ZNF516: variants seen among roughly 807,000 people sequenced by gnomAD.
The protein encoded by ZNF516 is zinc finger protein 516.
ZNF516 carries 19 observed loss-of-function variants against 79.7 expected under a neutral mutation model. That is an observed-to-expected ratio of 0.24 (90% confidence interval 0.17 to 0.35). The LOEUF (loss-of-function observed/expected upper bound fraction) is 0.35, where lower values mean the gene tolerates loss of function less well. Among genes scored for constraint, ZNF516 ranks in the 10% least tolerant of loss-of-function variants. ZNF516 has a pLI of 1.00. For missense variants in ZNF516, 1,678 were observed against 1,679.5 expected (o/e 1.00, Z 0.02); for synonymous variants, 877 against 739.5 (o/e 1.19, Z -3.02).
At chr18:76,367,770 C>T (rs925615867) in intron 6 of ZNF516, among the ~76,000 whole-genome samples, 6 of 152,166 alleles carry the variant, frequency 3.9e-5, no homozygotes, top group Admixed American at 6.5e-5. Flanking sequence ...TCTTGTCGCC[C>T]CAGTATCCTG....
chr18:76,413,089 G>A (rs563093669), intron 3 of ZNF516, among the ~76,000 whole-genome samples: 2 of 152,218 alleles, frequency 1.3e-5, no homozygotes, highest in Non-Finnish European at 2.9e-5. Context: ...AGGCAGAAAC[G>A]AAGTGCTATT....
chr18:76,414,570 C>G (rs2075410108), intron 3 of ZNF516, among the ~76,000 whole-genome samples: 1 of 152,208 alleles, frequency 6.6e-6, no homozygotes, highest in Admixed American at 6.5e-5. Flanking sequence ...TACTGTCGAT[C>G]AAAATTCTCT....
Position 76,442,764 on chromosome 18 carries a change from C to A in ZNF516, c.291G>T (p.Ala97=). The change falls in exon 3 of 7, where the codon GCG becomes GCT. Residue 97 remains alanine, a synonymous_variant. Coordinates refer to ENST00000443185, the MANE Select transcript of ZNF516 (RefSeq NM_014643.4). ...GCATCTCACCCAGCGGCGCCTCGCCCGCCTCCGGCTCGTGTCCCTGAATCA... is the reference window on the plus strand; with the variant it reads ...GCATCTCACCCAGCGGCGCCTCGCCAGCCTCCGGCTCGTGTCCCTGAATCA... ...GTLIQGHEPE[A]GEAPLGEMRA... The A allele has an allele frequency of 2.5e-6, 4 of 1,592,444 alleles. No individual in the cohort carries two copies. The highest frequency in any genetic ancestry group is 3.4e-6 in the Non-Finnish European group (4 of 1,169,290).
intron 2 of ZNF516, among the ~76,000 whole-genome samples, chr18:76,448,484 C>G (rs1330483206): frequency 1.3e-5 from 2 of 152,160 alleles, no homozygotes; most frequent in African/African-American, 4.8e-5. Context: ...GAAATGTGTA[C>G]CCAGGGTTAA....
At position 76,433,895 on chromosome 18, in the gene ZNF516, G is replaced by A. The variant is rs145440151; in HGVS notation, c.1810+7350C>T. ...GCAAGGCATCATCTCACAGTGCCAC[G>A]TCCCCAGCTCCACAGGGGTGCACAC... On this transcript the variant is annotated intron_variant, in intron 3 of 6. Coordinates refer to ENST00000443185, the MANE Select transcript of ZNF516 (RefSeq NM_014643.4). 1.1e-4 allele frequency among the ~76,000 whole-genome samples: 17 copies of A among 152,214 alleles called. No homozygotes were observed. In the East Asian group the frequency reaches 2.1e-3, roughly 19 times the overall value.
chr18:76,408,304 G>C (rs2075328601), intron 3 of ZNF516, among the ~76,000 whole-genome samples: 1 of 152,228 alleles, frequency 6.6e-6, no homozygotes. Context: ...TGGGTGAACT[G>C]ATCCTCATCC....
chr18:76,480,861 T>C (rs1914485654), intron 1 of ZNF516, among the ~76,000 whole-genome samples: 1 of 152,102 alleles, frequency 6.6e-6, no homozygotes, highest in South Asian at 2.1e-4. Context: ...AAAAACAAAA[T>C]CAAAAGAAGA....
intron 3 of ZNF516, among the ~76,000 whole-genome samples, chr18:76,415,299 G>T (rs1040772061): frequency 6.6e-6 from 1 of 152,338 alleles, no homozygotes; most frequent in African/African-American, 2.4e-5. Flanking sequence ...CTGATAAGGC[G>T]TGAGTGTTCC....
chr18:76,441,740 A>G lies in ZNF516; in HGVS notation c.1315T>C (p.Trp439Arg). Residue 439 changes from tryptophan (W) to arginine (R), a missense_variant, in exon 3 of 7, where the codon TGG becomes CGG. Trp to Arg is a moderately radical substitution (Grantham distance 101). Around this residue, in one of 5 missense-constraint regions of ZNF516, gnomAD observed 1,294 missense variants for 1,248.3 expected, o/e 1.04. Coordinates refer to ENST00000443185, the MANE Select transcript of ZNF516 (RefSeq NM_014643.4). ...ACGTCCCCGGCCAGCGCCTCGTCCC[A>G]GGCCCCGTACTTGAGGTACTCGGCC... Reference protein sequence around the residue: ...EPAEYLKYGAWDEALAGDVAF... With the variant: ...EPAEYLKYGARDEALAGDVAF... The G allele has an allele frequency of 1.9e-6, 3 of 1,572,868 alleles. No homozygotes were observed. Among genetic ancestry groups the G allele is most frequent in the South Asian group, 1.2e-5 (1 of 86,608 alleles).
At chr18:76,420,746 A>T (rs949039355) in intron 3 of ZNF516, among the ~76,000 whole-genome samples, 13 of 152,088 alleles carry the variant, frequency 8.5e-5, no homozygotes, top group African/African-American at 2.2e-4. Context: ...TATATATATA[A>T]AAAAAAACAA....
intron 3 of ZNF516, among the ~76,000 whole-genome samples, chr18:76,392,492 CTGGGAAGGCAGG>C (rs971549361): frequency 1.6e-5 from 2 of 126,336 alleles, no homozygotes; most frequent in African/African-American, 3.3e-5. Context: ...AGGAGGCCAG[CTGGGAAGGCAGG>C]TGGGAAGGTA....
Position 76,441,686 on chromosome 18 carries a change from C to T in ZNF516, c.1369G>A (p.Val457Ile), listed in dbSNP as rs775600505. 15 of 1,560,708 alleles carry T rather than the reference C, an allele frequency of 9.6e-6. No homozygotes were observed. The African/African-American group carries it at 1.9e-4, about 20-fold the overall frequency. Reference protein sequence around the residue: ...VAFDKDRREYVLVSQEKRKRE... With the variant: ...VAFDKDRREYILVSQEKRKRE... ...TTGCGCTTCTCCTGGCTCACCAGGA[C>T]GTACTCGCGCCTGTCCTTGTCGAAG... The change falls in exon 3 of 7, where the codon GTC becomes ATC. Residue 457 changes from valine (V) to isoleucine (I), a missense_variant. By Grantham distance (29) the Val-to-Ile change is conservative. Coordinates refer to ENST00000443185, the MANE Select transcript of ZNF516 (RefSeq NM_014643.4).
chr18:76,492,306 C>T, intron 1 of ZNF516: 4 of 985,476 alleles, frequency 4.1e-6, no homozygotes, highest in Non-Finnish European at 4.8e-6. Flanking sequence ...ACATCACTAC[C>T]GATATTCCTG....
chr18:76,447,742 T>A (rs1912144369), intron 2 of ZNF516, among the ~76,000 whole-genome samples: 1 of 152,198 alleles, frequency 6.6e-6, no homozygotes, highest in African/African-American at 2.4e-5. Context: ...TTTGTTGTTC[T>A]GGTAAGATGT....
intron 3 of ZNF516, among the ~76,000 whole-genome samples, chr18:76,427,420 C>T (rs2075610004): frequency 6.6e-6 from 1 of 152,184 alleles, no homozygotes; most frequent in Admixed American, 6.5e-5. Context: ...AAAACATTCA[C>T]TCAACTGACT....
intron 4 of ZNF516, among the ~76,000 whole-genome samples, chr18:76,375,958 G>C (rs958674112): frequency 6.6e-6 from 1 of 151,462 alleles, no homozygotes; most frequent in Non-Finnish European, 1.5e-5. Flanking sequence ...AGGCCCCGAA[G>C]ACCAGGTAGA....
intron 6 of ZNF516, among the ~76,000 whole-genome samples, chr18:76,367,034 G>A (rs1414651145): frequency 2.0e-5 from 3 of 152,058 alleles, no homozygotes; most frequent in Non-Finnish European, 4.4e-5. Flanking sequence ...CCGTATCTTC[G>A]CCTGCCTATT....
In ZNF516 at chr18:76,358,297, T is replaced by C. The variant is rs1599115921; in HGVS notation, c.*4201A>G. The stretch of plus-strand genomic sequence containing the variant: ...AAACATTGAATTACTTTTTCAGAAA[T>C]AGTTAAATACATCAATCTAGTTACA... On this transcript the variant is annotated 3_prime_UTR_variant, in exon 7 of 7. Transcript: ENST00000443185. 6.6e-6 allele frequency: 1 copy of C among 152,238 alleles called. No individual in the cohort carries two copies. The highest frequency in any genetic ancestry group is 1.5e-5 in the Non-Finnish European group (1 of 68,046). 9.4% of individuals were successfully genotyped at this position (152,238 alleles called of 1,614,324 possible). A position where few individuals can be genotyped will look rare whatever the true frequency, so the allele number is the denominator to read the frequency against.
intron 3 of ZNF516, 32 bp from the exon 4 acceptor site, chr18:76,380,335 A>G: frequency 6.2e-7 from 1 of 1,601,656 alleles, no homozygotes; most frequent in South Asian, 1.1e-5. Context: ...ACGGGAAGTT[A>G]CCATTTCTCA....
Sources: gnomAD v4.1 joint callset for allele counts (sites outside exome capture counted in the v4.1 genomes callset) on GRCh38, gnomAD v4.1.1 for gene constraint, gnomAD v4.1.1 regional missense constraint, MANE v1.5 for transcripts, NCBI Gene and HGNC (gene_info 2026-07-23, HGNC 2026-07-21) for gene names.